Variants in PTGFRN observed in about 807,000 individuals in gnomAD.
PTGFRN encodes prostaglandin F2 receptor inhibitor.
PTGFRN carries 35 observed loss-of-function variants against 83.2 expected under a neutral mutation model. The observed-to-expected ratio is 0.42, with a 90% CI of 0.32 to 0.56. The LOEUF (loss-of-function observed/expected upper bound fraction) is 0.56, where lower values mean the gene tolerates loss of function less well. Ranked by LOEUF, PTGFRN falls within the 20% of genes least tolerant of loss-of-function variation. The pLI, the probability that PTGFRN is intolerant of heterozygous loss-of-function variation, is 0.11. For synonymous variants in PTGFRN, 519 were observed against 498.6 expected (o/e 1.04, Z -0.55); for missense variants, 1,051 against 1,179.5 (o/e 0.89, Z 1.60).
Position 116,961,768 on chromosome 1 carries a change from A to G in PTGFRN, c.1639+100A>G, listed in dbSNP as rs1650673009. ...TCACCCTCTGCAGGTTATCACTTACACTAGGAATGTGTGTCCTGGACATTG... is the reference window on the plus strand; with the variant it reads ...TCACCCTCTGCAGGTTATCACTTACGCTAGGAATGTGTGTCCTGGACATTG... On this transcript the variant is annotated intron_variant, in intron 5 of 8. Coordinates refer to ENST00000393203, the MANE Select transcript of PTGFRN (RefSeq NM_020440.4). This position sits in a 1 kb window ranked among gnomAD's most constrained non-coding sequence, Gnocchi z 5.4. 7 of 1,154,688 alleles carry G rather than the reference A, an allele frequency of 6.1e-6. No individual in the cohort carries two copies. The highest frequency in any genetic ancestry group is 7.3e-6 in the Non-Finnish European group (6 of 825,788). The allele number at this position is 1,154,688 out of a possible 1,614,324, so 71.5% of individuals were successfully genotyped here. A position where few individuals can be genotyped will look rare whatever the true frequency, so the allele number is the denominator to read the frequency against.
In PTGFRN at chr1:116,984,703, T is replaced by C; in HGVS notation, c.2191T>C (p.Trp731Arg). The C allele has an allele frequency of 1.2e-6, 2 of 1,614,168 alleles. No homozygotes were observed. Among genetic ancestry groups the C allele is most frequent in the Non-Finnish European group, 1.7e-6 (2 of 1,180,018 alleles). Residue 731 changes from tryptophan to arginine, a missense_variant, in exon 8 of 9, where the codon TGG (tryptophan) becomes CGG (arginine). This residue lies in a region of PTGFRN where 719 missense variants were observed against 836.6 expected (regional missense o/e 0.86). Coordinates refer to ENST00000393203, the MANE Select transcript of PTGFRN (RefSeq NM_020440.4). The part of the protein sequence containing the change: ...DPDDMAFDVS[W>R]FAVHSFGLDK... The stretch of plus-strand genomic sequence containing the variant: ...AGATGACATGGCCTTTGATGTGTCC[T>C]GGTTTGCGGTGCACTCTTTTGGCCT...
intron 2 of PTGFRN, among the ~76,000 whole-genome samples, chr1:116,943,186 G>C (rs1332076644): frequency 6.6e-6 from 1 of 152,196 alleles, no homozygotes; most frequent in Non-Finnish European, 1.5e-5. Flanking sequence ...CTCAGAGACT[G>C]TTCCCTCACT....
chr1:116,981,753 TA>T (rs754128258), intron 7 of PTGFRN, among the ~76,000 whole-genome samples: 2 of 152,244 alleles, frequency 1.3e-5, no homozygotes, highest in African/African-American at 4.8e-5. Context: ...CCGTAGATAA[TA>T]ATGTAAGCAA....
chr1:116,910,264 C>T lies in PTGFRN; in HGVS notation c.49+12C>T. ...GCTCCTGTCGTTGGGTGAGTGTGCG[C>T]GGGGCTCAGCGGGGCACACGGGGAC... On this transcript the variant is annotated intron_variant, in intron 1 of 8. Transcript: ENST00000393203. The T allele has an allele frequency of 7.1e-7, 1 of 1,409,626 alleles. No individual in the cohort carries two copies. Among genetic ancestry groups the T allele is most frequent in the Non-Finnish European group, 9.2e-7 (1 of 1,089,508 alleles). 87.3% of individuals were successfully genotyped at this position (1,409,626 alleles called of 1,614,324 possible).
intron 1 of PTGFRN, among the ~76,000 whole-genome samples, chr1:116,915,811 G>C (rs1046686038): frequency 6.6e-6 from 1 of 152,188 alleles, no homozygotes; most frequent in African/African-American, 2.4e-5. Flanking sequence ...TAGCTGTTTT[G>C]TTTAATTGCA....
rs761726500 is a variant in PTGFRN, at chr1:116,961,557, A to G, written c.1528A>G (p.Arg510Gly). 1.2e-6 allele frequency: 2 copies of G among 1,614,104 alleles called. No individual in the cohort carries two copies. The highest frequency in any genetic ancestry group is 8.5e-7 in the Non-Finnish European group (1 of 1,180,046). ...GATCCAAAGGACTACAGAGGAAGAC[A>G]GAGGCAATTATTACTGTGTTGTGTC... Reference protein sequence around the residue: ...FRIQRTTEEDRGNYYCVVSAW... With the variant: ...FRIQRTTEEDGGNYYCVVSAW... Residue 510 changes from arginine to glycine, a missense_variant, in exon 5 of 9, where the codon AGA becomes GGA. Around this residue, in one of 3 missense-constraint regions of PTGFRN, gnomAD observed 719 missense variants for 836.6 expected, o/e 0.86. Coordinates refer to ENST00000393203, the MANE Select transcript of PTGFRN (RefSeq NM_020440.4). This position sits in a 1 kb window ranked among gnomAD's most constrained non-coding sequence, Gnocchi z 5.4.
chr1:116,938,390 A>C (rs1649975791), intron 1 of PTGFRN, among the ~76,000 whole-genome samples: 1 of 152,232 alleles, frequency 6.6e-6, no homozygotes, highest in African/African-American at 2.4e-5. Context: ...GAAGCCTCAC[A>C]ATCGTGGCGG....
intron 6 of PTGFRN, among the ~76,000 whole-genome samples, chr1:116,972,049 A>G (rs556278315): frequency 6.6e-6 from 1 of 152,278 alleles, no homozygotes; most frequent in South Asian, 2.1e-4. Flanking sequence ...GTACTCACTG[A>G]CAGGTGGCCG....
At position 116,944,674 on chromosome 1, in the gene PTGFRN, C is replaced by T. The variant is rs774937060; in HGVS notation, c.419-5C>T. 2.2e-5 allele frequency: 31 copies of T among 1,416,824 alleles called. No individual in the cohort carries two copies. In the East Asian group the frequency reaches 3.6e-4, roughly 16 times the overall value. The allele number at this position is 1,416,824 out of a possible 1,614,324, so 87.8% of individuals were successfully genotyped here. A position where few individuals can be genotyped will look rare whatever the true frequency, so the allele number is the denominator to read the frequency against. Reference sequence around the variant, plus strand: ...GGCTACTGACCTAGCTTTCTCTCTCCGCAGTGCTGGCCGACTCCCTGCACG... The same window carrying T: ...GGCTACTGACCTAGCTTTCTCTCTCTGCAGTGCTGGCCGACTCCCTGCACG... On this transcript the variant is annotated splice_region_variant and splice_polypyrimidine_tract_variant and intron_variant, in intron 2 of 8. Transcript: ENST00000393203.
chr1:116,980,299 AGT>A (rs1484314253), intron 7 of PTGFRN, among the ~76,000 whole-genome samples: 3 of 152,202 alleles, frequency 2.0e-5, no homozygotes, highest in Non-Finnish European at 4.4e-5. Flanking sequence ...TGTGGAAGAC[AGT>A]GTGGCGATTC....
In PTGFRN at chr1:116,984,956, A is replaced by G. The variant is rs1651421606; in HGVS notation, c.2444A>G (p.Lys815Arg). The G allele has an allele frequency of 6.2e-7, 1 of 1,614,028 alleles. No individual in the cohort carries two copies. Residue 815 changes from lysine (K) to arginine (R), a missense_variant, in exon 8 of 9, where the codon AAG (lysine) becomes AGG (arginine). By Grantham distance (26) the Lys-to-Arg change is conservative (BLOSUM62 2). Transcript: ENST00000393203. ...CAGAAGGAGGCAGAGATCCACTCCAAGCCCGTTTTTATAACTGTGAAGATG... is the reference window on the plus strand; with the variant it reads ...CAGAAGGAGGCAGAGATCCACTCCAGGCCCGTTTTTATAACTGTGAAGATG... ...SWQKEAEIHSKPVFITVKMDV... is the reference protein window; with the variant it reads ...SWQKEAEIHSRPVFITVKMDV...
At chr1:116,947,714 G>A (rs1480490871) in intron 3 of PTGFRN, among the ~76,000 whole-genome samples, 3 of 152,286 alleles carry the variant, frequency 2.0e-5, no homozygotes, top group African/African-American at 7.2e-5. Context: ...ACTCCAGCAG[G>A]ATTCCAGGGT....
At chr1:116,939,872 A>G (rs1272372904) in intron 1 of PTGFRN, among the ~76,000 whole-genome samples, 1 of 152,206 alleles carries the variant, frequency 6.6e-6, no homozygotes, top group Non-Finnish European at 1.5e-5. Flanking sequence ...AAAGTTCCAC[A>G]GGTCTCTAGG....
chr1:116,982,874 A>G (rs1203401794), intron 7 of PTGFRN, among the ~76,000 whole-genome samples: 1 of 151,522 alleles, frequency 6.6e-6, no homozygotes, highest in Non-Finnish European at 1.5e-5. Flanking sequence ...TGGAGGGGGG[A>G]GGGTACAGGT....
intron 4 of PTGFRN, 82 bp downstream of exon 4, chr1:116,949,654 T>C: frequency 6.6e-7 from 1 of 1,511,952 alleles, no homozygotes; most frequent in Non-Finnish European, 8.9e-7. Flanking sequence ...CTCAGGAGGC[T>C]CTGCGCTTTG....
chr1:116,986,562 ATCT>A (rs1376006576), intron 8 of PTGFRN, among the ~76,000 whole-genome samples: 1 of 152,154 alleles, frequency 6.6e-6, no homozygotes. Context: ...ATCGAGTGAA[ATCT>A]TCTTTGTGGT....
At chr1:116,966,877 T>C (rs1650851243) in intron 5 of PTGFRN, 34 bp from the exon 6 acceptor site, 2 of 1,545,740 alleles carry the variant, frequency 1.3e-6, no homozygotes, top group East Asian at 4.5e-5. Context: ...ACTGATCTTG[T>C]TGGAAATCAC....
chr1:116,973,228 T>A (rs1307618759), intron 6 of PTGFRN, among the ~76,000 whole-genome samples: 1 of 152,134 alleles, frequency 6.6e-6, no homozygotes, highest in East Asian at 1.9e-4. Context: ...CAGACTTTAT[T>A]TTTTAGAGCA....
chr1:116,953,322 G>A (rs1245366945), intron 4 of PTGFRN, among the ~76,000 whole-genome samples: 1 of 152,164 alleles, frequency 6.6e-6, no homozygotes, highest in East Asian at 1.9e-4. Flanking sequence ...ATTTATAGGC[G>A]ATAAGATTTA....
Sources: gnomAD v4.1 joint callset for allele counts (sites outside exome capture counted in the v4.1 genomes callset) on GRCh38, gnomAD v4.1.1 for gene constraint, gnomAD v4.1.1 regional missense constraint, Gnocchi (gnomAD v3.1) non-coding constraint, MANE v1.5 for transcripts, NCBI Gene and HGNC (gene_info 2026-07-23, HGNC 2026-07-21) for gene names.